Variants in GLIS3 observed in about 807,000 individuals in gnomAD.
GLIS3 encodes zinc finger protein GLIS3.
GLIS3 carries 53 observed loss-of-function variants against 78.6 expected under a neutral mutation model. That is an observed-to-expected ratio of 0.67 (90% CI 0.54 to 0.85). The LOEUF (loss-of-function observed/expected upper bound fraction) is 0.85. Ranked by LOEUF, GLIS3 falls within the 40% of genes least tolerant of loss-of-function variation. The pLI is 0.00. For missense variants in GLIS3, 1,703 were observed against 1,231.1 expected (o/e 1.38, Z -5.74); for synonymous variants, 684 against 509.9 (o/e 1.34, Z -4.60).
chr9:4,214,341 G>A (rs1254936859), intron 2 of GLIS3, among the ~76,000 whole-genome samples: 1 of 152,192 alleles, frequency 6.6e-6, no homozygotes, highest in East Asian at 1.9e-4. Context: ...GAGAATTTCT[G>A]CAAACTTTAA....
At chr9:4,126,257 G>C (rs1308449800) in intron 2 of GLIS3, among the ~76,000 whole-genome samples, 1 of 152,186 alleles carries the variant, frequency 6.6e-6, no homozygotes, top group African/African-American at 2.4e-5. Flanking sequence ...GTAAGTAGAT[G>C]GGATTGCCTG....
chr9:3,932,459 A>C lies in GLIS3; in HGVS notation c.1884T>G (p.Ala628=). The stretch of plus-strand genomic sequence containing the variant: ...GTTTGGTACATCCTGGAATTTGACA[A>C]GCATAAGGTTTCTAAATGAGAAAGA... ...QRTHLDTKPY[A]CQIPGCTKRY... The change falls in exon 6 of 11, where the codon GCT becomes GCG. Residue 628 remains alanine, a synonymous_variant. Transcript: ENST00000381971. The C allele has an allele frequency of 6.2e-7, 1 of 1,612,532 alleles. No homozygotes were observed. Among genetic ancestry groups the C allele is most frequent in the Non-Finnish European group, 8.5e-7 (1 of 1,178,604 alleles).
At chr9:3,856,672 A>G (rs1434658121) in intron 8 of GLIS3, among the ~76,000 whole-genome samples, 2 of 152,212 alleles carry the variant, frequency 1.3e-5, no homozygotes, top group African/African-American at 4.8e-5. Flanking sequence ...GAGCCTCTCT[A>G]ATCCTATTCT....
At chr9:3,901,335 C>G (rs1250297824) in intron 6 of GLIS3, 2 of 153,420 alleles carry the variant, frequency 1.3e-5, no homozygotes, top group African/African-American at 4.8e-5. Context: ...CCAAAGCTGG[C>G]TCGCACCAAT....
At chr9:4,376,543 G>C in the GLIS3 span, among the ~76,000 whole-genome samples, 2 of 134,748 alleles carry the variant, frequency 1.5e-5, 1 homozygote, top group African/African-American at 5.2e-5. Flanking sequence ...AAGCAAACCT[G>C]ACTTTTGTAA....
chr9:4,320,984 T>C (rs191468688), intron 2 of GLIS3, among the ~76,000 whole-genome samples: 22 of 152,134 alleles, frequency 1.4e-4, no homozygotes, highest in Admixed American at 9.2e-4. Context: ...AGAACGTTGC[T>C]TGAGAAGGCT....
chr9:4,164,715 A>T (rs1835749071), intron 2 of GLIS3, among the ~76,000 whole-genome samples: 1 of 152,238 alleles, frequency 6.6e-6, no homozygotes, highest in Non-Finnish European at 1.5e-5. Flanking sequence ...AGCATGCAAC[A>T]AACAATATTG....
intron 2 of GLIS3, among the ~76,000 whole-genome samples, chr9:4,164,411 G>C (rs995958083): frequency 6.6e-6 from 1 of 152,198 alleles, no homozygotes; most frequent in Non-Finnish European, 1.5e-5. Flanking sequence ...TTTTGTTGTT[G>C]TGATAAAGAG....
the GLIS3 span, among the ~76,000 whole-genome samples, chr9:4,484,748 G>A: frequency 6.6e-6 from 1 of 152,036 alleles, no homozygotes; most frequent in African/African-American, 2.4e-5. Flanking sequence ...GGAAGTTATA[G>A]TTTAACCTTA....
At chr9:4,041,140 C>T (rs1824778488) in intron 4 of GLIS3, among the ~76,000 whole-genome samples, 1 of 152,180 alleles carries the variant, frequency 6.6e-6, no homozygotes, top group Non-Finnish European at 1.5e-5. Flanking sequence ...TTCTTTAAAA[C>T]ACTGTTTCTC....
At chr9:4,388,964 G>A in the GLIS3 span, among the ~76,000 whole-genome samples, 1 of 152,064 alleles carries the variant, frequency 6.6e-6, no homozygotes, top group East Asian at 1.9e-4. Flanking sequence ...GAAGAAAAGG[G>A]GATAGGGTAG....
At chr9:4,103,875 C>G (rs1388830925) in intron 4 of GLIS3, among the ~76,000 whole-genome samples, 1 of 152,128 alleles carries the variant, frequency 6.6e-6, no homozygotes, top group East Asian at 1.9e-4. Flanking sequence ...CACCTTGTTG[C>G]TTTCAATGGC....
At chr9:4,201,922 A>C (rs1385326246) in intron 2 of GLIS3, among the ~76,000 whole-genome samples, 1 of 152,100 alleles carries the variant, frequency 6.6e-6, no homozygotes, top group African/African-American at 2.4e-5. Flanking sequence ...GTTCACCTGA[A>C]GTCAGGCGTT....
chr9:4,150,193 TAAAA>T (rs1215224159), intron 2 of GLIS3, among the ~76,000 whole-genome samples: 1 of 152,024 alleles, frequency 6.6e-6, no homozygotes, highest in African/African-American at 2.4e-5. Flanking sequence ...CAACCTACCT[TAAAA>T]ACAACAAAAA....
chr9:4,294,281 G>A (rs1159305716), intron 1 of GLIS3, among the ~76,000 whole-genome samples: 1 of 152,182 alleles, frequency 6.6e-6, no homozygotes, highest in East Asian at 1.9e-4. Context: ...GGCCAAGGTG[G>A]GTGGATCACC....
the GLIS3 span, among the ~76,000 whole-genome samples, chr9:4,452,461 C>G: frequency 2.6e-5 from 4 of 152,156 alleles, no homozygotes; most frequent in African/African-American, 9.7e-5. Flanking sequence ...AGCTGATAAG[C>G]AACTTCAGCA....
In GLIS3 at chr9:4,190,417, GAAGA is replaced by G. The variant is rs572968850; in HGVS notation, c.389-64480_389-64477del. Among the ~76,000 whole-genome samples the G allele has an allele frequency of 2.5e-3, 376 of 150,708 alleles. 3 individuals are homozygous for G. The highest frequency in any genetic ancestry group is 8.5e-3 in the African/African-American group (352 of 41,466). The stretch of plus-strand genomic sequence containing the variant: ...CCTCAGGAGCCGATGCGATCAACTG[GAAGA>G]AAGGGTATCAGTGATGGAAGATGAA... On this transcript the variant is annotated intron_variant, in intron 2 of 10. Coordinates refer to ENST00000381971, the MANE Select transcript of GLIS3 (RefSeq NM_001042413.2).
chr9:3,891,934 CTT>C (rs1395379759), intron 7 of GLIS3, among the ~76,000 whole-genome samples: 2 of 152,124 alleles, frequency 1.3e-5, no homozygotes, highest in African/African-American at 4.8e-5. Flanking sequence ...GTTGATGAGA[CTT>C]TATCACATTT....
In GLIS3 at chr9:4,259,017, T is replaced by C. The variant is rs917631229; in HGVS notation, c.388+27021A>G. 1.3e-5 allele frequency among the ~76,000 whole-genome samples: 2 copies of C among 152,274 alleles called. 1 individual carries two copies. Among genetic ancestry groups the C allele is most frequent in the East Asian group, 3.9e-4 (2 of 5,182 alleles). On this transcript the variant is annotated intron_variant, in intron 2 of 10. Coordinates refer to ENST00000381971, the MANE Select transcript of GLIS3 (RefSeq NM_001042413.2). Reference sequence around the variant, plus strand: ...TTACTCCAGAAACGCCAATGGACCCTTGTGGGTTTGCCATCTCCTGCCTGC... The same window carrying C: ...TTACTCCAGAAACGCCAATGGACCCCTGTGGGTTTGCCATCTCCTGCCTGC...
Sources: gnomAD v4.1 joint callset for allele counts (sites outside exome capture counted in the v4.1 genomes callset) on GRCh38, gnomAD v4.1.1 for gene constraint, MANE v1.5 for transcripts, NCBI Gene and HGNC (gene_info 2026-07-23, HGNC 2026-07-21) for gene names.